Variants in ZNF277 observed in about 807,000 individuals in gnomAD.
ZNF277 encodes zinc finger protein 277, also known as nuclear receptor-interacting factor 4.
In ZNF277, 55 loss-of-function variants were observed where a neutral mutation model predicts 60.7. The ratio of observed to expected loss-of-function variants is 0.91; its 90% CI spans 0.73 to 1.13. ZNF277 has a LOEUF of 1.13. Among genes scored for constraint, ZNF277 ranks in the 50% most tolerant of loss-of-function variants. The pLI is 0.00. For missense variants in ZNF277, 510 were observed against 523.0 expected (o/e 0.98, Z 0.24); for synonymous variants, 178 against 179.3 (o/e 0.99, Z 0.06).
chr7:112,219,174 T>C (rs1821962657), intron 1 of ZNF277, among the ~76,000 whole-genome samples: 3 of 152,228 alleles, frequency 2.0e-5, no homozygotes, highest in Non-Finnish European at 4.4e-5. Flanking sequence ...GGATATCTCT[T>C]CATGATTTTA....
intron 1 of ZNF277, among the ~76,000 whole-genome samples, chr7:112,262,707 A>G (rs1791464823): frequency 6.6e-6 from 1 of 152,066 alleles, no homozygotes; most frequent in Non-Finnish European, 1.5e-5. Context: ...CATTTTTCCT[A>G]TTTAGAAACT....
intron 1 of ZNF277, among the ~76,000 whole-genome samples, chr7:112,277,243 C>T (rs749996978): frequency 2.0e-5 from 3 of 151,868 alleles, no homozygotes; most frequent in African/African-American, 4.8e-5. Context: ...GCCACCAGCC[C>T]GGCTAATTTT....
intron 4 of ZNF277, among the ~76,000 whole-genome samples, chr7:112,308,085 G>T (rs910391079): frequency 5.3e-5 from 8 of 151,816 alleles, no homozygotes; most frequent in Non-Finnish European, 1.0e-4. Context: ...TATCCATTTT[G>T]CCAGAAGTTT....
chr7:112,211,534 C>T (rs925717356), intron 1 of ZNF277, among the ~76,000 whole-genome samples: 2 of 152,200 alleles, frequency 1.3e-5, no homozygotes, highest in African/African-American at 4.8e-5. Context: ...AAGTGTTTGA[C>T]CAGAATGGAA....
chr7:112,325,306 G>C (rs1207128403), intron 5 of ZNF277, among the ~76,000 whole-genome samples: 3 of 152,158 alleles, frequency 2.0e-5, no homozygotes, highest in Non-Finnish European at 4.4e-5. Context: ...CACCAGTTCA[G>C]AGCATGGGAC....
Position 112,208,352 on chromosome 7 carries a change from A to C in ZNF277, c.91+1545A>C, listed in dbSNP as rs566935495. Among the ~76,000 whole-genome samples, 143 of 152,202 alleles carry C rather than the reference A, an allele frequency of 9.4e-4. 1 individual carries two copies. Among genetic ancestry groups the C allele is most frequent in the African/African-American group, 3.2e-3 (132 of 41,542 alleles). On this transcript the variant is annotated intron_variant, in intron 1 of 11. Transcript: ENST00000361822. ...ATCCACCACTGCACTCCAGCCTGGG[A>C]GGCAGAGCAAGACTCTGTATCAAAA... is the stretch of plus-strand genomic sequence containing the variant.
intron 1 of ZNF277, among the ~76,000 whole-genome samples, chr7:112,216,218 C>T (rs530568002): frequency 6.6e-6 from 1 of 152,312 alleles, no homozygotes; most frequent in Admixed American, 6.5e-5. Context: ...GTTATTTTTC[C>T]AGCAGCAGTG....
At chr7:112,318,439 G>C (rs1456554369) in intron 5 of ZNF277, among the ~76,000 whole-genome samples, 166 bp downstream of exon 5, 1 of 151,982 alleles carries the variant, frequency 6.6e-6, no homozygotes, top group African/African-American at 2.4e-5. Context: ...ATGAACTGTA[G>C]GTGCTCTAAG....
intron 1 of ZNF277, among the ~76,000 whole-genome samples, chr7:112,277,077 ATTTTTTTT>A (rs59902516): frequency 9.8e-4 from 102 of 104,438 alleles, no homozygotes; most frequent in Non-Finnish European, 1.6e-3. Context: ...GAATCTGTTG[ATTTTTTTT>A]TTTTTTTTTT....
chr7:112,289,290 T>C (rs1792148647), intron 2 of ZNF277, among the ~76,000 whole-genome samples: 2 of 152,238 alleles, frequency 1.3e-5, no homozygotes, highest in Admixed American at 1.3e-4. Context: ...CCTTCATCTC[T>C]GTCCTTATTG....
At chr7:112,310,397 T>C (rs1487005443) in intron 4 of ZNF277, among the ~76,000 whole-genome samples, 1 of 150,938 alleles carries the variant, frequency 6.6e-6, no homozygotes, top group Non-Finnish European at 1.5e-5. Flanking sequence ...ACCTGGTGTG[T>C]TTCCCTTGTC....
chr7:112,311,127 C>G (rs924450273), intron 4 of ZNF277, among the ~76,000 whole-genome samples: 4 of 152,010 alleles, frequency 2.6e-5, no homozygotes, highest in Admixed American at 2.6e-4. Context: ...AATTTTCAAC[C>G]TAACTCACAT....
chr7:112,212,587 C>T (rs1046533389), intron 1 of ZNF277, among the ~76,000 whole-genome samples: 39 of 152,264 alleles, frequency 2.6e-4, no homozygotes, highest in African/African-American at 7.0e-4. Context: ...TAAAGATAGG[C>T]CCAATTATAA....
chr7:112,281,836 T>G lies in ZNF277; in HGVS notation c.92-5037T>G, dbSNP rs1791951129. ...TGGATTCTTTTTTATTTATTTTTAT[T>G]TATTTTTTTCTTTCAAGATGGAGTC... is the stretch of plus-strand genomic sequence containing the variant. On this transcript the variant is annotated intron_variant, in intron 1 of 11. Coordinates refer to ENST00000361822, the MANE Select transcript of ZNF277 (RefSeq NM_021994.3). Among the ~76,000 whole-genome samples, 3 of 152,312 alleles carry G rather than the reference T, an allele frequency of 2.0e-5. No homozygotes were observed. The East Asian group carries it at 5.8e-4, about 29-fold the overall frequency.
intron 1 of ZNF277, among the ~76,000 whole-genome samples, chr7:112,212,851 T>C (rs1161548368): frequency 6.6e-6 from 1 of 152,184 alleles, no homozygotes; most frequent in Non-Finnish European, 1.5e-5. Flanking sequence ...AGTGCTACTC[T>C]ACTCACACCC....
At chr7:112,307,074 G>C (rs1480242507) in intron 4 of ZNF277, among the ~76,000 whole-genome samples, 1 of 152,058 alleles carries the variant, frequency 6.6e-6, no homozygotes, top group Non-Finnish European at 1.5e-5. Flanking sequence ...TATGGCCTTT[G>C]CTTTGTGTGC....
intron 1 of ZNF277, among the ~76,000 whole-genome samples, chr7:112,267,954 A>G (rs927904867): frequency 6.6e-5 from 10 of 152,138 alleles, no homozygotes; most frequent in African/African-American, 2.4e-4. Flanking sequence ...ACAGATATGC[A>G]TTTTTGTTAA....
chr7:112,321,432 C>T (rs770273550), intron 5 of ZNF277, among the ~76,000 whole-genome samples: 156 of 152,050 alleles, frequency 1.0e-3, no homozygotes, highest in Non-Finnish European at 1.6e-3. Context: ...ATATTATCAG[C>T]TCATGAACAT....
intron 1 of ZNF277, among the ~76,000 whole-genome samples, chr7:112,259,776 C>A (rs993826000): frequency 3.3e-5 from 5 of 152,096 alleles, no homozygotes; most frequent in African/African-American, 1.2e-4. Flanking sequence ...CTGAGTAGTC[C>A]TTATTTTGGA....
Sources: allele counts gnomAD v4.1 joint callset (sites outside exome capture counted in the v4.1 genomes callset), GRCh38; gene constraint gnomAD v4.1.1; transcripts MANE v1.5; gene names NCBI Gene and HGNC (gene_info 2026-07-23, HGNC 2026-07-21).